AP1S2: variants seen among roughly 807,000 people sequenced by gnomAD.
AP1S2 encodes the protein AP-1 complex subunit sigma-2.
Under a neutral mutation model 14.3 loss-of-function variants are expected in AP1S2, and 1 was observed. The observed-to-expected ratio is 0.07, with a 90% CI of 0.02 to 0.33. AP1S2 has a LOEUF of 0.33. AP1S2 is among the 10% of genes least tolerant of loss of function. AP1S2 has a pLI of 0.99. For synonymous variants in AP1S2, 30 were observed against 40.5 expected (o/e 0.74, Z 0.99); for missense variants, 30 against 117.7 (o/e 0.25, Z 3.45).
intron 1 of AP1S2, among the ~76,000 whole-genome samples, chrX:15,854,142 A>C (rs189364962): frequency 3.5e-5 from 4 of 112,862 alleles, no homozygotes; most frequent in Non-Finnish European, 7.5e-5. Context: ...GTTAAAAACC[A>C]ACGCTTTGAT....
chrX:15,839,352 G>A (rs1933752963), intron 4 of AP1S2, among the ~76,000 whole-genome samples: 1 of 111,957 alleles, frequency 8.9e-6, no homozygotes, highest in African/African-American at 3.2e-5. Flanking sequence ...AATGCTTTTT[G>A]CTGTTAAATG....
intron 4 of AP1S2, among the ~76,000 whole-genome samples, chrX:15,829,163 CG>C (rs1156884231): frequency 9.0e-6 from 1 of 110,840 alleles, no homozygotes; most frequent in Non-Finnish European, 1.9e-5. Context: ...TTCCTATACT[CG>C]TGAGTCTTGA....
At position 15,837,604 on chromosome X, in the gene AP1S2, A is replaced by G. The variant is rs1417029721; in HGVS notation, c.426+7775T>C. On this transcript the variant is annotated intron_variant, in intron 4 of 5. Coordinates refer to ENST00000672987, the MANE Select transcript of AP1S2 (RefSeq NM_001272071.2). ...GTAATTTTGGTGAATCATAGAGATGACTTTTTTTTTTTTTTTTTTTTGAGA... is the reference window on the plus strand; with the variant it reads ...GTAATTTTGGTGAATCATAGAGATGGCTTTTTTTTTTTTTTTTTTTTGAGA... Among the ~76,000 whole-genome samples, 67 of 88,789 alleles carry G rather than the reference A, an allele frequency of 7.5e-4. 2 individuals are homozygous for G. The East Asian group carries it at 0.02, about 26-fold the overall frequency. 77.1% of individuals were successfully genotyped at this position (88,789 alleles called of 115,157 possible).
At chrX:15,854,216 C>A (rs559145726) in intron 1 of AP1S2, among the ~76,000 whole-genome samples, 1 of 112,501 alleles carries the variant, frequency 8.9e-6, no homozygotes, top group Admixed American at 9.3e-5. Flanking sequence ...TGGGCTCAGC[C>A]GCGGCGCGGG....
intron 4 of AP1S2, chrX:15,831,334 A>T: frequency 2.7e-6 from 2 of 753,977 alleles, no homozygotes; most frequent in South Asian, 1.3e-4. Flanking sequence ...CTGTATCAAG[A>T]TCACATATAG....
chrX:15,845,327 C>T, intron 4 of AP1S2, 52 bp downstream of exon 4: 1 of 1,205,263 alleles, frequency 8.3e-7, no homozygotes, highest in Non-Finnish European at 1.1e-6. Flanking sequence ...ATGAGACTTC[C>T]CCAGCAAGAG....
At chrX:15,833,164 T>C in intron 4 of AP1S2, 1 of 754,117 alleles carries the variant, frequency 1.3e-6, no homozygotes, top group Non-Finnish European at 1.6e-6. Flanking sequence ...TTTTCTATCA[T>C]ACCATGTAAA....
rs1358045599 is a variant in AP1S2, at chrX:15,833,307, T to G, written c.427-5107A>C. ...GCAATTCTACAGGAACAATTCTCAA[T>G]GTGACCACCCAGGCATTTCCACCAC... On this transcript the variant is annotated intron_variant, in intron 4 of 5. Transcript: ENST00000672987. The G allele has an allele frequency of 1.7e-5, 15 of 869,910 alleles. 1 individual carries two copies. The allele number at this position is 869,910 out of a possible 1,213,427, so 71.7% of individuals were successfully genotyped here. A position where few individuals can be genotyped will look rare whatever the true frequency, so the allele number is the denominator to read the frequency against.
At chrX:15,849,635 A>T (rs1391733262) in intron 2 of AP1S2, among the ~76,000 whole-genome samples, 2 of 112,189 alleles carry the variant, frequency 1.8e-5, no homozygotes, top group Non-Finnish European at 3.8e-5. Context: ...CAAAAGAAAA[A>T]GTAGTGGCTC....
intron 5 of AP1S2, 138 bp from the exon 6 acceptor site, chrX:15,827,510 C>T: frequency 1.6e-6 from 1 of 608,030 alleles, no homozygotes; most frequent in South Asian, 2.4e-5. Flanking sequence ...TAGTTGACAG[C>T]CATTGGTTAT....
chrX:15,832,468 G>C (rs1342649966), intron 4 of AP1S2: 1 of 717,162 alleles, frequency 1.4e-6, no homozygotes, highest in African/African-American at 2.4e-5. Context: ...ACAAAAGCCA[G>C]TTACATTTTA....
intron 4 of AP1S2, among the ~76,000 whole-genome samples, chrX:15,844,159 C>A (rs1933925490): frequency 8.9e-6 from 1 of 112,640 alleles, no homozygotes; most frequent in African/African-American, 3.2e-5. Context: ...CCACAACTGT[C>A]CCAGTCAGTG....
rs181057898 is a variant in AP1S2 at position 15,832,946 on chromosome X, G to A, written c.427-4746C>T. On this transcript the variant is annotated intron_variant, in intron 4 of 5. Coordinates refer to ENST00000672987, the MANE Select transcript of AP1S2 (RefSeq NM_001272071.2). ...TTGATGCATGTCAGTACTCCAGCAC[G>A]TATTCTAGTACGCTTTCTTAAACCC... 466 of 1,109,567 alleles carry A rather than the reference G, an allele frequency of 4.2e-4. 1 individual carries two copies. The African/African-American group carries it at 7.6e-3, about 18-fold the overall frequency. 91.4% of individuals were successfully genotyped at this position (1,109,567 alleles called of 1,213,427 possible). A position where few individuals can be genotyped will look rare whatever the true frequency, so the allele number is the denominator to read the frequency against.
chrX:15,850,185 C>G (rs1357514729), intron 2 of AP1S2, among the ~76,000 whole-genome samples: 1 of 110,932 alleles, frequency 9.0e-6, no homozygotes, highest in Non-Finnish European at 1.9e-5. Context: ...TCCATACTTA[C>G]ACCAACCACA....
chrX:15,837,651 G>A (rs1293083285), intron 4 of AP1S2, among the ~76,000 whole-genome samples: 6 of 98,481 alleles, frequency 6.1e-5, no homozygotes, highest in African/African-American at 1.5e-4. Flanking sequence ...TCTGTCGCCA[G>A]GCTAGAGTGC....
chrX:15,832,625 T>C (rs1601842643), intron 4 of AP1S2: 6 of 763,680 alleles, frequency 7.9e-6, no homozygotes, highest in East Asian at 1.1e-4. Flanking sequence ...AGCTCTCATT[T>C]TCATAGGGAA....
At chrX:15,845,142 A>G (rs1361518898) in intron 4 of AP1S2, 23 of 753,992 alleles carry the variant, frequency 3.1e-5, no homozygotes, top group Non-Finnish European at 3.6e-5. Flanking sequence ...TTTAGGGTCC[A>G]AAAAGGGCCA....
At chrX:15,831,902 A>G in intron 4 of AP1S2, 1 of 749,630 alleles carries the variant, frequency 1.3e-6, no homozygotes, top group South Asian at 6.8e-5. Context: ...CAAAAATTCA[A>G]TTAGAATATT....
intron 2 of AP1S2, among the ~76,000 whole-genome samples, chrX:15,847,764 A>G (rs1934043989): frequency 8.9e-6 from 1 of 112,372 alleles, no homozygotes. Flanking sequence ...ATGACACATA[A>G]GATTCCCTGA....
Sources: gnomAD v4.1 joint callset for allele counts (sites outside exome capture counted in the v4.1 genomes callset) on GRCh38, gnomAD v4.1.1 for gene constraint, MANE v1.5 for transcripts, NCBI Gene and HGNC (gene_info 2026-07-23, HGNC 2026-07-21) for gene names.